CHL1: variants seen among roughly 807,000 people sequenced by gnomAD.
CHL1 encodes cell adhesion molecule L1 like.
In CHL1, 96 loss-of-function variants were observed where a neutral mutation model predicts 141.9. That is an observed-to-expected ratio of 0.68 (90% CI 0.57 to 0.80). CHL1 has a LOEUF of 0.80. Ranked by LOEUF, CHL1 falls within the 30% of genes least tolerant of loss-of-function variation. The pLI is 0.00. For missense variants in CHL1, 1,820 were observed against 1,457.2 expected (o/e 1.25, Z -4.05); for synonymous variants, 613 against 502.2 (o/e 1.22, Z -2.95).
At chr3:341,349 A>C (rs1212835727) in intron 6 of CHL1, among the ~76,000 whole-genome samples, 1 of 152,164 alleles carries the variant, frequency 6.6e-6, no homozygotes, top group Non-Finnish European at 1.5e-5. Flanking sequence ...CTCATTGTGA[A>C]CCATAGAGAA....
At chr3:388,050 G>A (rs1410049713) in intron 19 of CHL1, among the ~76,000 whole-genome samples, 1 of 152,180 alleles carries the variant, frequency 6.6e-6, no homozygotes, top group Non-Finnish European at 1.5e-5. Context: ...CATATCCAGA[G>A]AAAATTACTG....
intron 15 of CHL1, among the ~76,000 whole-genome samples, chr3:374,928 G>T (rs1184778938): frequency 1.3e-5 from 2 of 152,092 alleles, no homozygotes; most frequent in African/African-American, 4.8e-5. Context: ...AATATACATG[G>T]TGAACAATGA....
At chr3:276,944 G>A (rs544148059) in intron 2 of CHL1, among the ~76,000 whole-genome samples, 61 of 149,834 alleles carry the variant, frequency 4.1e-4, no homozygotes, top group African/African-American at 1.3e-3. Flanking sequence ...CAGATTATCC[G>A]GGTTCCATTC....
chr3:273,540 A>G (rs2125255492), intron 2 of CHL1, among the ~76,000 whole-genome samples: 1 of 152,262 alleles, frequency 6.6e-6, no homozygotes, highest in Admixed American at 6.5e-5. Context: ...ATTAAGCCTT[A>G]TCAATATTTG....
At chr3:310,065 T>G (rs1433845951) in intron 2 of CHL1, among the ~76,000 whole-genome samples, 1 of 151,996 alleles carries the variant, frequency 6.6e-6, no homozygotes, top group Non-Finnish European at 1.5e-5. Context: ...GATATATATG[T>G]GAAAAAAATA....
chr3:378,130 T>A (rs1243181512), intron 16 of CHL1, among the ~76,000 whole-genome samples, 188 bp downstream of exon 16: 2 of 152,222 alleles, frequency 1.3e-5, no homozygotes, highest in Non-Finnish European at 2.9e-5. Context: ...AATTAATTAA[T>A]GCTTAATTTT....
chr3:370,910 G>A (rs1174462903), intron 15 of CHL1, among the ~76,000 whole-genome samples: 25 of 152,148 alleles, frequency 1.6e-4, no homozygotes, highest in Admixed American at 1.6e-3. Flanking sequence ...TAGTTGTGTG[G>A]TTTTGCGTGA....
intron 24 of CHL1, among the ~76,000 whole-genome samples, chr3:396,092 A>G (rs190954304): frequency 5.7e-4 from 87 of 152,274 alleles, no homozygotes; most frequent in African/African-American, 1.9e-3. Flanking sequence ...ATGTGGGAAA[A>G]TTGTATAATC....
intron 23 of CHL1, 51 bp downstream of exon 23, chr3:391,848 T>C (rs777724012): frequency 7.0e-7 from 1 of 1,424,912 alleles, no homozygotes; most frequent in Non-Finnish European, 9.7e-7. Context: ...CATTTTTTGG[T>C]TGAATATTCT....
chr3:378,081 C>T, intron 16 of CHL1, 139 bp downstream of exon 16: 1 of 614,836 alleles, frequency 1.6e-6, no homozygotes, highest in Non-Finnish European at 2.5e-6. Context: ...TAAAAAGCAA[C>T]ACAACTTCAA....
intron 26 of CHL1, 113 bp from the exon 27 acceptor site, chr3:401,513 C>A: frequency 1.6e-6 from 1 of 622,264 alleles, no homozygotes; most frequent in Non-Finnish European, 2.8e-6. Context: ...TCACTGGTAT[C>A]AAAACATTTG....
rs1167645345 is a variant in CHL1 at position 407,437 on chromosome 3, T to TTATG, written c.*1727_*1730dup. The TTATG allele has an allele frequency of 6.6e-6, 1 of 152,076 alleles. No homozygotes were observed. The highest frequency in any genetic ancestry group is 1.5e-5 in the Non-Finnish European group (1 of 68,046). The allele number at this position is 152,076 out of a possible 1,614,324, so 9.4% of individuals were successfully genotyped here. The stretch of plus-strand genomic sequence containing the variant: ...AGCATGTCTTATTTAAAACTGTAAT[T>TTATG]TATGGGCTCAGGATCTGACCGCAGT... On this transcript the variant is annotated 3_prime_UTR_variant, in exon 28 of 28. Coordinates refer to ENST00000256509, the MANE Select transcript of CHL1 (RefSeq NM_006614.4).
chr3:260,150 G>A (rs1694569551), intron 2 of CHL1, among the ~76,000 whole-genome samples: 1 of 152,120 alleles, frequency 6.6e-6, no homozygotes, highest in South Asian at 2.1e-4. Flanking sequence ...TGTAATGCCA[G>A]TTACTCAGGA....
chr3:254,534 G>A (rs1693984506), intron 2 of CHL1, among the ~76,000 whole-genome samples: 1 of 152,120 alleles, frequency 6.6e-6, no homozygotes, highest in Non-Finnish European at 1.5e-5. Flanking sequence ...ATGATTGTCA[G>A]GGCAGCAGAC....
chr3:230,797 A>G (rs980294561), intron 1 of CHL1, among the ~76,000 whole-genome samples: 15 of 152,192 alleles, frequency 9.9e-5, no homozygotes, highest in African/African-American at 3.4e-4. Flanking sequence ...AAGCAATTAC[A>G]CTAGATTTTA....
At chr3:324,624 TA>T (rs1182791344) in intron 3 of CHL1, among the ~76,000 whole-genome samples, 2 of 150,980 alleles carry the variant, frequency 1.3e-5, no homozygotes, top group Admixed American at 6.6e-5. Context: ...TTTATTTATT[TA>T]TTTATTTATT....
Position 391,675 on chromosome 3 carries a change from T to C in CHL1, c.2792T>C (p.Val931Ala), listed in dbSNP as rs769987189. Residue 931 changes from valine (V) to alanine (A), a missense_variant and splice_region_variant, in exon 23 of 28, where the codon GTA becomes GCA. Val to Ala is a moderately conservative substitution (Grantham distance 64, BLOSUM62 0). Transcript: ENST00000256509. ...TTATTTTTGGTCTTGTGTTTTCTAG[T>C]ACCTGAACAGCCAACTTTTCTAAAG... is the stretch of plus-strand genomic sequence containing the variant. Reference protein sequence around the residue: ...EPYIFQTPEGVPEQPTFLKVI... With the variant: ...EPYIFQTPEGAPEQPTFLKVI... The C allele has an allele frequency of 3.7e-6, 6 of 1,600,770 alleles. No individual in the cohort carries two copies. The highest frequency in any genetic ancestry group is 5.1e-6 in the Non-Finnish European group (6 of 1,173,298).
chr3:306,716 C>T (rs1373761149), intron 2 of CHL1, among the ~76,000 whole-genome samples: 2 of 151,922 alleles, frequency 1.3e-5, no homozygotes, highest in Non-Finnish European at 2.9e-5. Flanking sequence ...AAAAAATAAA[C>T]AGTTATGAAA....
In CHL1 at chr3:409,398, T is replaced by C. The variant is rs2106456568; in HGVS notation, c.*3687T>C. 1 of 152,224 alleles carries C rather than the reference T, an allele frequency of 6.6e-6. No individual in the cohort carries two copies. The highest frequency in any genetic ancestry group is 2.4e-5 in the African/African-American group (1 of 41,568). The allele number at this position is 152,224 out of a possible 1,614,324, so 9.4% of individuals were successfully genotyped here. On this transcript the variant is annotated 3_prime_UTR_variant, in exon 28 of 28. Transcript: ENST00000256509. ...AATTCAACTTTCCAAATAAAAGTTC[T>C]ACTTCATGTAATCCAAAAATGTTTG...
Sources: gnomAD v4.1 joint callset for allele counts (sites outside exome capture counted in the v4.1 genomes callset) on GRCh38, gnomAD v4.1.1 for gene constraint, MANE v1.5 for transcripts, NCBI Gene and HGNC (gene_info 2026-07-23, HGNC 2026-07-21) for gene names.